Variants in IGF2BP3 observed in about 807,000 individuals in gnomAD.
The protein encoded by IGF2BP3 is insulin-like growth factor 2 mRNA-binding protein 3.
A neutral mutation model predicts 73.8 loss-of-function variants in IGF2BP3; 9 were observed. The ratio of observed to expected loss-of-function variants is 0.12; its 90% confidence interval spans 0.07 to 0.21. IGF2BP3 has a LOEUF of 0.21. Ranked by LOEUF, IGF2BP3 falls within the 10% of genes least tolerant of loss-of-function variation. The pLI is 1.00. For synonymous variants in IGF2BP3, 258 were observed against 256.7 expected, an observed-to-expected ratio of 1.01 and a Z score of -0.05; for missense variants, 542 against 714.0, an observed-to-expected ratio of 0.76 and a Z score of 2.75.
chr7:23,406,208 T>G (rs1185138430), intron 3 of IGF2BP3, among the ~76,000 whole-genome samples: 5 of 152,200 alleles, frequency 3.3e-5, no homozygotes, highest in Non-Finnish European at 7.3e-5. Flanking sequence ...TGTTTGCTTC[T>G]TTTCCGTCTG....
intron 3 of IGF2BP3, among the ~76,000 whole-genome samples, chr7:23,395,602 C>T (rs1215422469): frequency 2.7e-5 from 4 of 150,640 alleles, no homozygotes; most frequent in South Asian, 4.2e-4. Flanking sequence ...TCTCTACCCC[C>T]ACCCCCCCAA....
chr7:23,415,414 G>T, intron 3 of IGF2BP3: 1 of 192,116 alleles, frequency 5.2e-6, no homozygotes, highest in South Asian at 6.0e-5. Context: ...CGCATCCGCA[G>T]GTCCCCCTCC....
chr7:23,388,677 C>T (rs1786169695), intron 3 of IGF2BP3, among the ~76,000 whole-genome samples: 2 of 148,258 alleles, frequency 1.3e-5, no homozygotes, highest in South Asian at 4.3e-4. Context: ...CAGCCTCATT[C>T]CCAGAAGTTT....
chr7:23,396,574 AGTATGGGAGAAATAC>A (rs1462937506), intron 3 of IGF2BP3: 1 of 153,780 alleles, frequency 6.5e-6, no homozygotes, highest in Non-Finnish European at 1.5e-5. Context: ...CATAGTGTTA[AGTATGGGAGAAATAC>A]AGGAGAGATG....
At position 23,311,523 on chromosome 7, in the gene IGF2BP3, T is replaced by C. The variant is rs1783829015; in HGVS notation, c.*839A>G. 1 of 152,356 alleles carries C rather than the reference T, an allele frequency of 6.6e-6. No individual in the cohort carries two copies. Among genetic ancestry groups the C allele is most frequent in the Non-Finnish European group, 1.5e-5 (1 of 68,030 alleles). 9.4% of individuals were successfully genotyped at this position (152,356 alleles called of 1,614,324 possible). Reference sequence around the variant, plus strand: ...CAACTATAAATGAAAGAATAAATGGTAGTGCTGCTCTCCAGATACTAGGCA... The same window carrying C: ...CAACTATAAATGAAAGAATAAATGGCAGTGCTGCTCTCCAGATACTAGGCA... On this transcript the variant is annotated 3_prime_UTR_variant, in exon 15 of 15. Coordinates refer to ENST00000258729, the MANE Select transcript of IGF2BP3 (RefSeq NM_006547.3).
intron 12 of IGF2BP3, among the ~76,000 whole-genome samples, chr7:23,315,110 TA>T (rs1161565688): frequency 2.6e-5 from 4 of 151,806 alleles, no homozygotes; most frequent in East Asian, 1.9e-4. Flanking sequence ...CCCTGCCTTT[TA>T]TTTTTTTTTA....
At chr7:23,440,829 A>C (rs1270787305) in intron 2 of IGF2BP3, among the ~76,000 whole-genome samples, 1 of 152,224 alleles carries the variant, frequency 6.6e-6, no homozygotes, top group Non-Finnish European at 1.5e-5. Flanking sequence ...TCATATACAT[A>C]AACAAATTTA....
intron 2 of IGF2BP3, among the ~76,000 whole-genome samples, chr7:23,425,221 A>T (rs2128538924): frequency 6.6e-6 from 1 of 152,368 alleles, no homozygotes; most frequent in South Asian, 2.1e-4. Flanking sequence ...ATATAATCTT[A>T]GGTCTATTTA....
intron 3 of IGF2BP3, among the ~76,000 whole-genome samples, chr7:23,407,946 CAGGGGGCGG>C (rs1470841832): frequency 8.5e-5 from 2 of 23,422 alleles, no homozygotes; most frequent in African/African-American, 4.3e-4. Flanking sequence ...TTGTGGGGGG[CAGGGGGCGG>C]GGGGCGGGGG....
intron 3 of IGF2BP3, among the ~76,000 whole-genome samples, chr7:23,370,493 G>A (rs1188346398): frequency 6.6e-6 from 1 of 152,112 alleles, no homozygotes; most frequent in East Asian, 1.9e-4. Context: ...CTGGAAATGG[G>A]TTACTCCTTC....
intron 2 of IGF2BP3, among the ~76,000 whole-genome samples, chr7:23,433,097 T>C (rs1382466646): frequency 6.6e-6 from 1 of 152,224 alleles, no homozygotes; most frequent in Admixed American, 6.5e-5. Flanking sequence ...ATTGTACTTA[T>C]CTTCCTAAAA....
At position 23,311,252 on chromosome 7, in the gene IGF2BP3, C is replaced by A. The variant is rs1422062240; in HGVS notation, c.*1110G>T. 1 of 152,332 alleles carries A rather than the reference C, an allele frequency of 6.6e-6. No homozygotes were observed. The highest frequency in any genetic ancestry group is 1.5e-5 in the Non-Finnish European group (1 of 68,016). The allele number at this position is 152,332 out of a possible 1,614,324, so 9.4% of individuals were successfully genotyped here. On this transcript the variant is annotated 3_prime_UTR_variant, in exon 15 of 15. Transcript: ENST00000258729. The stretch of plus-strand genomic sequence containing the variant: ...CACCATCTATGACTGTCCCATTGGT[C>A]TGAAGTGTAGTGGCAAACTAAGCAT...
rs77084703 is a variant in IGF2BP3 at position 23,341,888 on chromosome 7, G to A, written c.1203+176C>T. Among the ~76,000 whole-genome samples the A allele has an allele frequency of 6.0e-4, 92 of 152,150 alleles. 1 individual carries two copies. Among genetic ancestry groups the A allele is most frequent in the African/African-American group, 2.1e-3 (89 of 41,506 alleles). On this transcript the variant is annotated intron_variant, in intron 10 of 14. Transcript: ENST00000258729. ...TTTGAAAACACATGTTGACAACCCC[G>A]CTATCCAAAAACTGCAAAATAATCC...
chr7:23,446,350 T>C (rs1351877155), intron 2 of IGF2BP3, among the ~76,000 whole-genome samples: 1 of 152,110 alleles, frequency 6.6e-6, no homozygotes, highest in Non-Finnish European at 1.5e-5. Context: ...TTACCCGAAG[T>C]CAGGAGTTTG....
intron 6 of IGF2BP3, among the ~76,000 whole-genome samples, chr7:23,350,944 T>A (rs552531312): frequency 1.1e-3 from 162 of 152,178 alleles, no homozygotes; most frequent in Non-Finnish European, 1.9e-3. Context: ...TAAAATGGAT[T>A]GGACCCAGAA....
rs1245456357 is a variant in IGF2BP3, at chr7:23,312,830, A to G, written c.1546T>C (p.Leu516=). Residue 516 remains leucine (L), a synonymous_variant, in exon 14 of 15, where the codon TTG becomes CTG. Transcript: ENST00000258729. The part of the protein sequence containing the change: ...GGKTVNELQN[L]SSAEVVVPRD... ...GGGACAACAACTTCTGCACTTGACAAATTCTGAAGTTCATTCACCTGAAAG... is the reference window on the plus strand; with the variant it reads ...GGGACAACAACTTCTGCACTTGACAGATTCTGAAGTTCATTCACCTGAAAG... 4 of 1,607,614 alleles carry G rather than the reference A, an allele frequency of 2.5e-6. No homozygotes were observed. In the Admixed American group the frequency reaches 6.9e-5, roughly 28 times the overall value.
rs541028531 is a variant in IGF2BP3 at position 23,333,642 on chromosome 7, T to G, written c.1203+8422A>C. Among the ~76,000 whole-genome samples, 35 of 152,298 alleles carry G rather than the reference T, an allele frequency of 2.3e-4. 1 individual carries two copies. In the South Asian group the frequency reaches 7.2e-3, roughly 32 times the overall value. ...GTAACAGAAAAAAAGGGCACATACA[T>G]GAAGAATCAATGTGTAGACTTTAAA... On this transcript the variant is annotated intron_variant, in intron 10 of 14. Coordinates refer to ENST00000258729, the MANE Select transcript of IGF2BP3 (RefSeq NM_006547.3).
At chr7:23,449,595 C>T (rs190612564) in intron 2 of IGF2BP3, among the ~76,000 whole-genome samples, 11 of 127,442 alleles carry the variant, frequency 8.6e-5, no homozygotes, top group Admixed American at 5.8e-4. Context: ...CTCACTCTGT[C>T]GCCCTGGCTG....
chr7:23,339,455 A>C (rs1784654457), intron 10 of IGF2BP3, among the ~76,000 whole-genome samples: 1 of 152,240 alleles, frequency 6.6e-6, no homozygotes, highest in African/African-American at 2.4e-5. Context: ...AAATCCAGAG[A>C]ATATGCAGTC....
Sources: gnomAD v4.1 joint callset for allele counts (sites outside exome capture counted in the v4.1 genomes callset) on GRCh38, gnomAD v4.1.1 for gene constraint, MANE v1.5 for transcripts, NCBI Gene and HGNC (gene_info 2026-07-23, HGNC 2026-07-21) for gene names.